FAM110B: variants seen among roughly 807,000 people sequenced by gnomAD.
The protein encoded by FAM110B is protein FAM110B.
FAM110B carries 6 observed loss-of-function variants against 20.4 expected under a neutral mutation model. The ratio of observed to expected loss-of-function variants is 0.29; its 90% confidence interval spans 0.16 to 0.58. FAM110B has a LOEUF of 0.58. Ranked by LOEUF, FAM110B falls within the 20% of genes least tolerant of loss-of-function variation. The probability of loss-of-function intolerance (pLI) is 0.90; values close to 1 mark genes in which losing one functional copy is unlikely to be tolerated. For missense variants in FAM110B, 434 were observed against 498.2 expected, an observed-to-expected ratio of 0.87 and a Z score of 1.23; for synonymous variants, 226 against 214.1, an observed-to-expected ratio of 1.06 and a Z score of -0.49.
chr8:58,009,774 G>A (rs966497049), intron 1 of FAM110B, among the ~76,000 whole-genome samples: 4 of 152,198 alleles, frequency 2.6e-5, no homozygotes, highest in African/African-American at 9.7e-5. Context: ...GAAGCAGATG[G>A]TTGTGTACTT....
At chr8:58,062,870 A>G (rs1372767940) in intron 2 of FAM110B, among the ~76,000 whole-genome samples, 1 of 152,246 alleles carries the variant, frequency 6.6e-6, no homozygotes. Context: ...ATAAAATGAG[A>G]GAATTGTCCA....
intron 2 of FAM110B, among the ~76,000 whole-genome samples, chr8:58,046,732 C>T (rs1292332098): frequency 6.6e-6 from 1 of 152,202 alleles, no homozygotes; most frequent in Non-Finnish European, 1.5e-5. Flanking sequence ...TCTGCTCCTG[C>T]TCTCACTTAT....
intron 3 of FAM110B, among the ~76,000 whole-genome samples, chr8:58,132,715 C>T (rs765607338): frequency 5.9e-5 from 9 of 152,162 alleles, no homozygotes; most frequent in Non-Finnish European, 1.2e-4. Flanking sequence ...TGTGGTTCCT[C>T]TTCTTAAATT....
chr8:58,022,559 T>C (rs947449670), intron 1 of FAM110B, among the ~76,000 whole-genome samples: 2 of 152,186 alleles, frequency 1.3e-5, no homozygotes, highest in Non-Finnish European at 2.9e-5. Flanking sequence ...TTTTAAAAAT[T>C]TAATAATATA....
chr8:58,074,511 G>A (rs1406426516), intron 2 of FAM110B, among the ~76,000 whole-genome samples: 1 of 152,214 alleles, frequency 6.6e-6, no homozygotes, highest in East Asian at 1.9e-4. Flanking sequence ...AGCCACCTCA[G>A]TGGGACATTC....
Position 58,146,598 on chromosome 8 carries a change from A to T in FAM110B, c.368A>T (p.Asn123Ile). Residue 123 changes from asparagine (N) to isoleucine (I), a missense_variant, in exon 4 of 4, where the codon AAC becomes ATC. Transcript: ENST00000519262. Reference sequence around the variant, plus strand: ...AACCTGAAGCTGGAGATCCTGAAGAACATCATCAATAGCTCCGAGGGCTCT... The same window carrying T: ...AACCTGAAGCTGGAGATCCTGAAGATCATCATCAATAGCTCCGAGGGCTCT... ...RENLKLEILK[N>I]IINSSEGSSS... 6.2e-7 allele frequency: 1 copy of T among 1,614,034 alleles called. No individual in the cohort carries two copies. The highest frequency in any genetic ancestry group is 8.5e-7 in the Non-Finnish European group (1 of 1,179,940).
chr8:58,018,749 T>C (rs1035504054), intron 1 of FAM110B, among the ~76,000 whole-genome samples: 3 of 152,178 alleles, frequency 2.0e-5, no homozygotes, highest in Non-Finnish European at 4.4e-5. Flanking sequence ...TTTTATTTTG[T>C]CTCCTTTGCA....
chr8:58,070,170 T>A (rs1805859795), intron 2 of FAM110B: 1 of 152,288 alleles, frequency 6.6e-6, no homozygotes. Flanking sequence ...GCGTTGCTGC[T>A]CGCCCGTGTG....
chr8:58,025,178 G>T (rs763850314), intron 1 of FAM110B, among the ~76,000 whole-genome samples: 1 of 152,168 alleles, frequency 6.6e-6, no homozygotes, highest in Non-Finnish European at 1.5e-5. Flanking sequence ...TTTATATCTG[G>T]GGCAAATGTT....
chr8:58,044,617 G>A (rs1805286804), intron 2 of FAM110B, among the ~76,000 whole-genome samples: 1 of 152,158 alleles, frequency 6.6e-6, no homozygotes, highest in Non-Finnish European at 1.5e-5. Flanking sequence ...CCAGACTATG[G>A]ATGTTACACT....
intron 3 of FAM110B, among the ~76,000 whole-genome samples, chr8:58,085,714 A>G (rs912978634): frequency 4.6e-5 from 7 of 152,144 alleles, no homozygotes; most frequent in Non-Finnish European, 1.0e-4. Context: ...CTTCTCCACC[A>G]GATATCTATT....
At chr8:58,096,420 C>G (rs908187429) in intron 3 of FAM110B, among the ~76,000 whole-genome samples, 2 of 152,190 alleles carry the variant, frequency 1.3e-5, no homozygotes, top group East Asian at 3.9e-4. Context: ...TCGTGATCCA[C>G]CTGCCTCTGC....
rs76132925 is a variant in FAM110B, at chr8:58,055,377, C to T, written c.-413-20158C>T. Among the ~76,000 whole-genome samples, 1,225 of 152,326 alleles carry T rather than the reference C, an allele frequency of 8.0e-3. 18 individuals are homozygous for T. Among genetic ancestry groups the T allele is most frequent in the African/African-American group, 0.028 (1,151 of 41,576 alleles). ...AATAGGTTTGAATAGGTCTACTCTT[C>T]TCATACCTTGATATGTCTTTTTTTG... On this transcript the variant is annotated intron_variant, in intron 2 of 3. Coordinates refer to ENST00000519262, the MANE Select transcript of FAM110B (RefSeq NM_001377989.1).
chr8:57,998,690 T>C (rs1027190841), intron 1 of FAM110B, among the ~76,000 whole-genome samples: 2 of 152,242 alleles, frequency 1.3e-5, no homozygotes, highest in Non-Finnish European at 1.5e-5. Context: ...GGATAAGTTA[T>C]GGGATGATTT....
intron 2 of FAM110B, chr8:58,070,491 G>A (rs1158505168): frequency 2.6e-5 from 4 of 152,202 alleles, no homozygotes; most frequent in Non-Finnish European, 2.9e-5. Flanking sequence ...TTAATACCAT[G>A]GGTACTCCAG....
chr8:58,111,698 T>C (rs1807061905), intron 3 of FAM110B, among the ~76,000 whole-genome samples: 1 of 152,246 alleles, frequency 6.6e-6, no homozygotes, highest in Non-Finnish European at 1.5e-5. Flanking sequence ...GTTTCCATCC[T>C]TACATAAACA....
chr8:57,999,490 G>A (rs954641550), intron 1 of FAM110B, among the ~76,000 whole-genome samples: 4 of 151,566 alleles, frequency 2.6e-5, no homozygotes, highest in Non-Finnish European at 5.9e-5. Flanking sequence ...ATCACATATA[G>A]CCTTCAAAAC....
intron 3 of FAM110B, among the ~76,000 whole-genome samples, chr8:58,092,777 G>A (rs1013376879): frequency 2.6e-5 from 4 of 152,140 alleles, no homozygotes; most frequent in Admixed American, 1.3e-4. Flanking sequence ...TGGGATTGCC[G>A]GGTCAGATGG....
chr8:58,129,780 G>A (rs950326751), intron 3 of FAM110B, among the ~76,000 whole-genome samples: 1 of 152,154 alleles, frequency 6.6e-6, no homozygotes, highest in East Asian at 1.9e-4. Flanking sequence ...GAGATGCCCC[G>A]CATCCTGCTC....
Sources: gnomAD v4.1 joint callset for allele counts (sites outside exome capture counted in the v4.1 genomes callset) on GRCh38, gnomAD v4.1.1 for gene constraint, MANE v1.5 for transcripts, NCBI Gene and HGNC (gene_info 2026-07-23, HGNC 2026-07-21) for gene names.